The following AUTS2 variants were observed in gnomAD, a reference collection of about 807,000 sequenced individuals.
The protein encoded by AUTS2 is autism susceptibility gene 2 protein.
Under a neutral mutation model 112.4 loss-of-function variants are expected in AUTS2, and 17 were observed. That is an observed-to-expected ratio of 0.15 (90% confidence interval 0.10 to 0.23). The LOEUF is 0.23. Ranked by LOEUF, AUTS2 falls within the 10% of genes least tolerant of loss-of-function variation. The pLI is 1.00. For synonymous variants in AUTS2, 751 were observed against 702.7 expected (o/e 1.07, Z -1.09); for missense variants, 1,510 against 1,701.6 (o/e 0.89, Z 1.98).
intron 1 of AUTS2, among the ~76,000 whole-genome samples, chr7:69,706,692 GTCTTT>G (rs1584106413): frequency 1.3e-5 from 2 of 152,240 alleles, no homozygotes; most frequent in African/African-American, 4.8e-5. Flanking sequence ...TGTGGCTTAT[GTCTTT>G]TCTTTCCTTT....
intron 4 of AUTS2, among the ~76,000 whole-genome samples, chr7:70,330,154 C>A (rs1485024910): frequency 6.6e-6 from 1 of 152,042 alleles, no homozygotes; most frequent in Non-Finnish European, 1.5e-5. Flanking sequence ...TCTGTTTTTT[C>A]TTTTGTTGTT....
intron 4 of AUTS2, among the ~76,000 whole-genome samples, chr7:70,344,540 A>T (rs1420618940): frequency 3.9e-5 from 6 of 152,140 alleles, no homozygotes; most frequent in Non-Finnish European, 7.4e-5. Context: ...CTCTAGATAG[A>T]TCTGCTTTAC....
At chr7:70,726,677 C>A (rs1787052926) in intron 6 of AUTS2, among the ~76,000 whole-genome samples, 1 of 152,152 alleles carries the variant, frequency 6.6e-6, no homozygotes, top group Admixed American at 6.5e-5. Flanking sequence ...TCCCAAGACC[C>A]TGTCCAGCTT....
intron 1 of AUTS2, among the ~76,000 whole-genome samples, chr7:69,738,715 T>C (rs1787140713): frequency 6.6e-6 from 1 of 152,078 alleles, no homozygotes; most frequent in African/African-American, 2.4e-5. Flanking sequence ...TGCTTATTGG[T>C]TTGTGGCAGG....
chr7:69,648,891 C>G (rs1433337670), intron 1 of AUTS2, among the ~76,000 whole-genome samples: 2 of 152,080 alleles, frequency 1.3e-5, no homozygotes, highest in African/African-American at 4.8e-5. Flanking sequence ...TTATGCAGCA[C>G]CTGAATTTGG....
At chr7:69,927,727 G>A (rs1796078118) in intron 2 of AUTS2, among the ~76,000 whole-genome samples, 1 of 152,238 alleles carries the variant, frequency 6.6e-6, no homozygotes, top group African/African-American at 2.4e-5. Context: ...GCAGTGGGGA[G>A]GGCAGCTCCA....
chr7:70,245,221 AG>A (rs1812860465), intron 4 of AUTS2, among the ~76,000 whole-genome samples: 1 of 150,876 alleles, frequency 6.6e-6, no homozygotes, highest in Non-Finnish European at 1.5e-5. Flanking sequence ...ACATCTTAGA[AG>A]TATTGCAGTT....
At chr7:70,440,963 T>C (rs1340531288) in intron 5 of AUTS2, among the ~76,000 whole-genome samples, 1 of 152,206 alleles carries the variant, frequency 6.6e-6, no homozygotes, top group Non-Finnish European at 1.5e-5. Flanking sequence ...TACTGCCTTA[T>C]AGTAAATGTC....
intron 2 of AUTS2, among the ~76,000 whole-genome samples, chr7:69,945,049 C>A (rs1356396954): frequency 6.6e-6 from 1 of 152,098 alleles, no homozygotes; most frequent in Non-Finnish European, 1.5e-5. Flanking sequence ...GGCTTACTTC[C>A]CTAGTCTGCA....
At chr7:70,644,915 C>T (rs1806067779) in intron 5 of AUTS2, among the ~76,000 whole-genome samples, 1 of 152,152 alleles carries the variant, frequency 6.6e-6, no homozygotes, top group African/African-American at 2.4e-5. Flanking sequence ...CTTGACCTCT[C>T]CAAGAGGCGG....
intron 2 of AUTS2, among the ~76,000 whole-genome samples, chr7:70,115,198 G>A (rs1377903967): frequency 8.5e-5 from 13 of 152,200 alleles, no homozygotes; most frequent in Middle Eastern, 3.4e-3. Context: ...TTTTCCTTCC[G>A]TGAAGAAGCA....
intron 5 of AUTS2, among the ~76,000 whole-genome samples, chr7:70,630,671 G>A (rs879398920): frequency 1.3e-5 from 2 of 152,184 alleles, no homozygotes; most frequent in African/African-American, 2.4e-5. Flanking sequence ...CCAAGGGTGG[G>A]GAATCATTGT....
chr7:70,473,116 G>A (rs1187453879), intron 5 of AUTS2, among the ~76,000 whole-genome samples: 1 of 152,184 alleles, frequency 6.6e-6, no homozygotes, highest in Non-Finnish European at 1.5e-5. Context: ...AATAACATTT[G>A]ATGCTGAAAT....
intron 1 of AUTS2, among the ~76,000 whole-genome samples, chr7:69,870,448 A>AATATATATATATGTATATATATATAT (rs56728110): frequency 1.3e-5 from 1 of 78,964 alleles, no homozygotes; most frequent in East Asian, 4.1e-4. Flanking sequence ...ATGTGTGTGT[A>AATATATATATATGTATATATATATAT]ATATATATAT....
chr7:69,822,835 A>T (rs900009964), intron 1 of AUTS2, among the ~76,000 whole-genome samples: 4 of 152,228 alleles, frequency 2.6e-5, no homozygotes, highest in African/African-American at 7.2e-5. Flanking sequence ...GAGATCATAC[A>T]TATGGCTGCT....
chr7:70,204,574 G>A (rs1810475267), intron 4 of AUTS2, among the ~76,000 whole-genome samples: 1 of 152,094 alleles, frequency 6.6e-6, no homozygotes, highest in African/African-American at 2.4e-5. Flanking sequence ...TATACAGCAG[G>A]ATAGATTTGT....
chr7:70,065,636 A>G (rs1471771071), intron 2 of AUTS2, among the ~76,000 whole-genome samples: 1 of 152,092 alleles, frequency 6.6e-6, no homozygotes, highest in Non-Finnish European at 1.5e-5. Context: ...GGCGGAGGTT[A>G]TGGTGAGCCG....
At chr7:70,747,970 T>A (rs1229624783) in intron 6 of AUTS2, among the ~76,000 whole-genome samples, 1 of 146,548 alleles carries the variant, frequency 6.8e-6, no homozygotes, top group Non-Finnish European at 1.5e-5. Flanking sequence ...TATAGGCACC[T>A]GCCACCACGC....
chr7:70,170,667 GCTCACTGCAAC>G (rs1342336129), intron 4 of AUTS2, among the ~76,000 whole-genome samples: 8 of 147,376 alleles, frequency 5.4e-5, no homozygotes, highest in Non-Finnish European at 8.9e-5. Context: ...TGCGATCTCA[GCTCACTGCAAC>G]CTCACTGCAA....
Sources: allele counts gnomAD v4.1 joint callset (sites outside exome capture counted in the v4.1 genomes callset), GRCh38; gene constraint gnomAD v4.1.1; transcripts MANE v1.5; gene names NCBI Gene and HGNC (gene_info 2026-07-23, HGNC 2026-07-21).